Variants in SLC4A4 observed in about 807,000 individuals in gnomAD.
The protein encoded by SLC4A4 is solute carrier family 4 member 4.
In SLC4A4, 27 loss-of-function variants were observed where a neutral mutation model predicts 111.5. The ratio of observed to expected loss-of-function variants is 0.24; its 90% CI spans 0.18 to 0.33. SLC4A4 has a LOEUF of 0.33. Ranked by LOEUF, SLC4A4 falls within the 10% of genes least tolerant of loss-of-function variation. SLC4A4 has a pLI of 1.00. For synonymous variants in SLC4A4, 443 were observed against 463.4 expected, an observed-to-expected ratio of 0.96 and a Z score of 0.57; for missense variants, 909 against 1,315.5, an observed-to-expected ratio of 0.69 and a Z score of 4.78.
intron 2 of SLC4A4, among the ~76,000 whole-genome samples, chr4:71,101,954 C>T (rs1295916590): frequency 6.6e-6 from 1 of 151,710 alleles, no homozygotes; most frequent in Non-Finnish European, 1.5e-5. Flanking sequence ...AAGAAGGCTT[C>T]AGACGATCAA....
chr4:71,424,577 A>T (rs1457227202), intron 7 of SLC4A4, among the ~76,000 whole-genome samples: 1 of 152,116 alleles, frequency 6.6e-6, no homozygotes, highest in Non-Finnish European at 1.5e-5. Context: ...AATAGCAAAG[A>T]CTTGGAACCA....
intron 6 of SLC4A4, among the ~76,000 whole-genome samples, chr4:71,358,524 T>C (rs1175770785): frequency 6.6e-6 from 1 of 152,180 alleles, no homozygotes; most frequent in Non-Finnish European, 1.5e-5. Context: ...AAGCAGATTT[T>C]CTGTGGTATA....
intron 11 of SLC4A4, among the ~76,000 whole-genome samples, chr4:71,451,677 G>A (rs1412401066): frequency 6.6e-6 from 1 of 152,090 alleles, no homozygotes; most frequent in Non-Finnish European, 1.5e-5. Flanking sequence ...CAGGAGGTGG[G>A]AGACAGACCA....
At chr4:71,541,636 C>T (rs748156601) in intron 18 of SLC4A4, among the ~76,000 whole-genome samples, 4 of 151,568 alleles carry the variant, frequency 2.6e-5, no homozygotes, top group Non-Finnish European at 4.4e-5. Context: ...CCCTATTCAG[C>T]GATATCCAGC....
intron 15 of SLC4A4, among the ~76,000 whole-genome samples, chr4:71,494,426 G>A (rs1730212768): frequency 6.6e-6 from 1 of 151,780 alleles, no homozygotes; most frequent in Non-Finnish European, 1.5e-5. Context: ...TAATCCTCCT[G>A]CCTCAGTCTC....
intron 2 of SLC4A4, among the ~76,000 whole-genome samples, chr4:71,111,524 GTTTTTTTTTTT>G (rs150777420): frequency 5.9e-4 from 36 of 60,818 alleles, no homozygotes; most frequent in African/African-American, 2.3e-3. Flanking sequence ...CCACGCTCAG[GTTTTTTTTTTT>G]TTTTTTTTTT....
At chr4:71,396,685 G>C (rs554422326) in intron 6 of SLC4A4, among the ~76,000 whole-genome samples, 72 of 152,272 alleles carry the variant, frequency 4.7e-4, no homozygotes, top group African/African-American at 1.7e-3. Flanking sequence ...ACTGCAGAAT[G>C]AAAGTTCAGT....
At chr4:71,418,303 T>A (rs1722002751) in intron 7 of SLC4A4, among the ~76,000 whole-genome samples, 3 of 152,206 alleles carry the variant, frequency 2.0e-5, no homozygotes, top group Non-Finnish European at 4.4e-5. Context: ...ATTTTTACCC[T>A]CAGCATTGTT....
At chr4:71,101,845 A>G (rs1425386339) in intron 2 of SLC4A4, among the ~76,000 whole-genome samples, 1 of 151,750 alleles carries the variant, frequency 6.6e-6, no homozygotes, top group Non-Finnish European at 1.5e-5. Flanking sequence ...AAAACGGGAA[A>G]CTCTAAAACG....
At chr4:71,174,998 C>T (rs1216862007) in intron 2 of SLC4A4, among the ~76,000 whole-genome samples, 2 of 152,316 alleles carry the variant, frequency 1.3e-5, no homozygotes, top group Non-Finnish European at 2.9e-5. Context: ...AGGGGTTAGA[C>T]ATTCTAGTCT....
chr4:71,460,177 C>T (rs963544485), intron 12 of SLC4A4, among the ~76,000 whole-genome samples: 4 of 151,928 alleles, frequency 2.6e-5, no homozygotes, highest in African/African-American at 9.7e-5. Context: ...CCAAAATCGT[C>T]AATTTTTTAA....
intron 6 of SLC4A4, among the ~76,000 whole-genome samples, chr4:71,376,190 C>CACACAT (rs1454334842): frequency 2.7e-5 from 4 of 149,484 alleles, no homozygotes; most frequent in African/African-American, 7.5e-5. Flanking sequence ...CACACACACA[C>CACACAT]ACATATATAT....
chr4:71,125,874 C>G (rs2148959052), intron 2 of SLC4A4, among the ~76,000 whole-genome samples: 1 of 152,236 alleles, frequency 6.6e-6, no homozygotes, highest in South Asian at 2.1e-4. Flanking sequence ...AATAAGAAAT[C>G]ACAACAGATC....
At chr4:71,256,215 C>T (rs901333007) in intron 3 of SLC4A4, among the ~76,000 whole-genome samples, 2 of 152,170 alleles carry the variant, frequency 1.3e-5, no homozygotes, top group African/African-American at 4.8e-5. Context: ...TGGCAGAGCT[C>T]TGTACATTCT....
intron 14 of SLC4A4, among the ~76,000 whole-genome samples, chr4:71,476,214 C>T (rs1441349602): frequency 3.3e-5 from 5 of 151,768 alleles, no homozygotes; most frequent in African/African-American, 1.2e-4. Context: ...AATACTTCTC[C>T]ATAACCTTAC....
chr4:71,096,638 C>T (rs1460332370), intron 2 of SLC4A4, among the ~76,000 whole-genome samples: 1 of 152,116 alleles, frequency 6.6e-6, no homozygotes, highest in Non-Finnish European at 1.5e-5. Context: ...ACTGAATTTT[C>T]TTTTTGCTGC....
At chr4:71,524,190 C>A (rs1733214575) in intron 16 of SLC4A4, among the ~76,000 whole-genome samples, 1 of 152,086 alleles carries the variant, frequency 6.6e-6, no homozygotes, top group Non-Finnish European at 1.5e-5. Context: ...TTTCTGTATT[C>A]CCAAATCCTC....
chr4:71,121,685 T>C (rs908461565), intron 2 of SLC4A4, among the ~76,000 whole-genome samples: 4 of 151,570 alleles, frequency 2.6e-5, no homozygotes, highest in African/African-American at 9.7e-5. Flanking sequence ...ACCAATCAGC[T>C]CTCTGTAAAA....
chr4:71,267,791 C>CAAAAAAAAAAAAAAAGAAA (rs1722381182), intron 3 of SLC4A4, among the ~76,000 whole-genome samples: 4 of 62,360 alleles, frequency 6.4e-5, no homozygotes, highest in Non-Finnish European at 9.9e-5. Flanking sequence ...GAGAGTCTGC[C>CAAAAAAAAAAAAAAAGAAA]AAAAAAAAAA....
Sources: gnomAD v4.1 joint callset for allele counts (sites outside exome capture counted in the v4.1 genomes callset) on GRCh38, gnomAD v4.1.1 for gene constraint, MANE v1.5 for transcripts, NCBI Gene and HGNC (gene_info 2026-07-23, HGNC 2026-07-21) for gene names.